Variants in PARD3B observed in about 807,000 individuals in gnomAD.
The protein encoded by PARD3B is partitioning defective 3 homolog B.
In PARD3B, 103 loss-of-function variants were observed where a neutral mutation model predicts 130.2. The observed-to-expected ratio is 0.79, with a 90% confidence interval of 0.67 to 0.93. PARD3B has a LOEUF of 0.93. PARD3B is among the 40% of genes least tolerant of loss of function. The probability of loss-of-function intolerance (pLI) is 0.00; values close to 1 mark genes in which losing one functional copy is unlikely to be tolerated. For missense variants in PARD3B, 1,609 were observed against 1,499.2 expected (o/e 1.07, Z -1.21); for synonymous variants, 583 against 553.2 (o/e 1.05, Z -0.76).
chr2:205,595,519 C>T (rs2054537791), intron 22 of PARD3B, among the ~76,000 whole-genome samples: 1 of 152,106 alleles, frequency 6.6e-6, no homozygotes, highest in African/African-American at 2.4e-5. Context: ...ATTAAAGCTG[C>T]AGCTTCGTGA....
chr2:205,418,156 A>C (rs2046845085), intron 19 of PARD3B, among the ~76,000 whole-genome samples: 1 of 152,292 alleles, frequency 6.6e-6, no homozygotes, highest in East Asian at 1.9e-4. Context: ...CTGGAGAACT[A>C]ATGTAATCTG....
intron 2 of PARD3B, among the ~76,000 whole-genome samples, chr2:204,708,814 T>C (rs534012996): frequency 1.9e-4 from 29 of 152,226 alleles, no homozygotes; most frequent in Non-Finnish European, 3.1e-4. Context: ...GTGGCATTTT[T>C]TTCAAAGCTA....
chr2:205,378,395 G>T (rs1440502073), intron 18 of PARD3B, among the ~76,000 whole-genome samples: 1 of 152,098 alleles, frequency 6.6e-6, no homozygotes, highest in Non-Finnish European at 1.5e-5. Flanking sequence ...CCTCCCTAAG[G>T]GAAACAGAGG....
chr2:205,181,547 C>T (rs997983804), intron 13 of PARD3B, among the ~76,000 whole-genome samples: 4 of 152,230 alleles, frequency 2.6e-5, no homozygotes, highest in African/African-American at 7.2e-5. Context: ...AGAGCAGAAG[C>T]ACTCATGGAC....
rs1429694586 is a variant in PARD3B at position 205,401,092 on chromosome 2, G to A, written c.2710G>A (p.Glu904Lys). The A allele has an allele frequency of 5.0e-6, 8 of 1,600,372 alleles. No homozygotes were observed. Residue 904 changes from glutamate to lysine, a missense_variant, in exon 19 of 23, where the codon GAG becomes AAG. Glu to Lys is a moderately conservative substitution (Grantham distance 56). Coordinates refer to ENST00000406610, the MANE Select transcript of PARD3B (RefSeq NM_001302769.2). Reference sequence around the variant, plus strand: ...GAAACATGGTGGCCTGAGAGAAGAAGAGCTGGAGAAAATGAAAGAAGAGCG... The same window carrying A: ...GAAACATGGTGGCCTGAGAGAAGAAAAGCTGGAGAAAATGAAAGAAGAGCG... ...TLKHGGLREE[E>K]LEKMKEERER...
chr2:205,412,710 C>T (rs1376358534), intron 19 of PARD3B, among the ~76,000 whole-genome samples: 1 of 152,186 alleles, frequency 6.6e-6, no homozygotes, highest in Admixed American at 6.6e-5. Flanking sequence ...GAGATTAACA[C>T]TTTCCAATCA....
intron 2 of PARD3B, among the ~76,000 whole-genome samples, chr2:204,840,016 C>G (rs2044203259): frequency 6.6e-6 from 1 of 152,086 alleles, no homozygotes; most frequent in South Asian, 2.1e-4. Context: ...CTTTCCTCAG[C>G]CCCAAAAGCA....
intron 19 of PARD3B, among the ~76,000 whole-genome samples, chr2:205,435,033 A>G (rs562831359): frequency 6.6e-6 from 1 of 152,254 alleles, no homozygotes; most frequent in South Asian, 2.1e-4. Context: ...GTATACCCAT[A>G]CCTGCACATG....
At chr2:205,314,245 G>T (rs898705016) in intron 18 of PARD3B, among the ~76,000 whole-genome samples, 2 of 152,206 alleles carry the variant, frequency 1.3e-5, no homozygotes, top group Non-Finnish European at 2.9e-5. Flanking sequence ...CATGAGAGAT[G>T]AATGTGGCAA....
chr2:205,090,030 C>T (rs944732746), intron 4 of PARD3B, among the ~76,000 whole-genome samples: 8 of 152,260 alleles, frequency 5.3e-5, no homozygotes, highest in South Asian at 2.1e-4. Flanking sequence ...GGTGCATCAA[C>T]GGAGTACCCT....
At chr2:205,314,457 C>G (rs987142232) in intron 18 of PARD3B, among the ~76,000 whole-genome samples, 2 of 152,098 alleles carry the variant, frequency 1.3e-5, no homozygotes, top group African/African-American at 4.8e-5. Flanking sequence ...TTTTGCCATC[C>G]GTTGGATTTT....
chr2:204,867,518 T>C (rs1297371808), intron 2 of PARD3B, among the ~76,000 whole-genome samples: 7 of 152,246 alleles, frequency 4.6e-5, no homozygotes, highest in Admixed American at 1.3e-4. Context: ...CTTAATGGGC[T>C]GTATATAGTA....
intron 16 of PARD3B, among the ~76,000 whole-genome samples, chr2:205,290,010 A>G (rs932566569): frequency 6.6e-6 from 1 of 152,178 alleles, no homozygotes; most frequent in African/African-American, 2.4e-5. Context: ...CAAAAAACGG[A>G]CTAAGAGAAC....
At chr2:204,580,068 G>A (rs1465045382) in intron 1 of PARD3B, among the ~76,000 whole-genome samples, 7 of 152,096 alleles carry the variant, frequency 4.6e-5, no homozygotes, top group Non-Finnish European at 1.0e-4. Context: ...TTCATCATGC[G>A]TTTATAGAAG....
At chr2:204,848,787 AT>A (rs1475871374) in intron 2 of PARD3B, among the ~76,000 whole-genome samples, 1 of 151,938 alleles carries the variant, frequency 6.6e-6, no homozygotes, top group Non-Finnish European at 1.5e-5. Flanking sequence ...AACTTCCTGG[AT>A]CTCTTACTTT....
intron 11 of PARD3B, among the ~76,000 whole-genome samples, chr2:205,168,005 C>A (rs757929202): frequency 2.4e-4 from 37 of 152,190 alleles, no homozygotes; most frequent in Non-Finnish European, 4.4e-4. Flanking sequence ...ATAGGACCAG[C>A]TAAAGCTGAT....
chr2:205,156,401 TTAAAG>T (rs2034168269), intron 10 of PARD3B, among the ~76,000 whole-genome samples: 1 of 151,642 alleles, frequency 6.6e-6, no homozygotes, highest in South Asian at 2.1e-4. Flanking sequence ...ACCCTAAAAC[TTAAAG>T]TATAATAATA....
intron 3 of PARD3B, among the ~76,000 whole-genome samples, chr2:204,990,885 T>C (rs1313771343): frequency 6.6e-6 from 1 of 152,214 alleles, no homozygotes; most frequent in Non-Finnish European, 1.5e-5. Flanking sequence ...ACTTTTTATT[T>C]TAGCATATGG....
chr2:205,212,534 G>A (rs535671683), intron 15 of PARD3B, among the ~76,000 whole-genome samples: 141 of 152,214 alleles, frequency 9.3e-4, no homozygotes, highest in African/African-American at 2.9e-3. Context: ...GCTGGGACAC[G>A]TGGAGCAATG....
Sources: gnomAD v4.1 joint callset for allele counts (sites outside exome capture counted in the v4.1 genomes callset) on GRCh38, gnomAD v4.1.1 for gene constraint, MANE v1.5 for transcripts, NCBI Gene and HGNC (gene_info 2026-07-23, HGNC 2026-07-21) for gene names.